The following FOXK1 variants were observed in gnomAD, a reference collection of about 807,000 sequenced individuals.
FOXK1 encodes forkhead box protein K1.
FOXK1 carries 19 observed loss-of-function variants against 51.9 expected under a neutral mutation model. The observed-to-expected ratio is 0.37, with a 90% CI of 0.26 to 0.54. FOXK1 has a LOEUF of 0.54. FOXK1 is among the 20% of genes least tolerant of loss of function. The pLI, the probability that FOXK1 is intolerant of heterozygous loss-of-function variation, is 0.87. For synonymous variants in FOXK1, 537 were observed against 482.6 expected (o/e 1.11, Z -1.48); for missense variants, 870 against 1,032.7 (o/e 0.84, Z 2.16).
rs1780545156 is a variant in FOXK1 at position 4,735,801 on chromosome 7, A to C, written c.561-5037A>C. 6.6e-6 allele frequency among the ~76,000 whole-genome samples: 1 copy of C among 152,270 alleles called. No homozygotes were observed. Among genetic ancestry groups the C allele is most frequent in the South Asian group, 2.1e-4 (1 of 4,820 alleles). On this transcript the variant is annotated intron_variant, in intron 1 of 8. Coordinates refer to ENST00000328914, the MANE Select transcript of FOXK1 (RefSeq NM_001037165.2). This position sits in a 1 kb window ranked among gnomAD's most constrained non-coding sequence, Gnocchi z 4.7. ...CCAGCTAGAGCCCTGCACCTCCATC[A>C]AGATATTACAGGGAGAGATGTAACT...
Position 4,707,081 on chromosome 7 carries a change from CG to C in FOXK1, c.560+24214del, listed in dbSNP as rs1780111470. On this transcript the variant is annotated intron_variant, in intron 1 of 8. Transcript: ENST00000328914. This position sits in a 1 kb window ranked among gnomAD's most constrained non-coding sequence, Gnocchi z 4.1. ...CTAACGGTTGCTTCCTGCCTTTGTC[CG>C]TAATGGCCACCTTCCAGTCTTAGAG... 1.3e-5 allele frequency among the ~76,000 whole-genome samples: 2 copies of C among 152,354 alleles called. No individual in the cohort carries two copies. The highest frequency in any genetic ancestry group is 1.3e-4 in the Admixed American group (2 of 15,306).
chr7:4,758,853 A>G lies in FOXK1; in HGVS notation c.1245-198A>G. ...CCTCTCATGGAACGGAGCCTCCCCCATGCAGCCCCCACTCAAATGGAGTTT... is the reference window on the plus strand; with the variant it reads ...CCTCTCATGGAACGGAGCCTCCCCCGTGCAGCCCCCACTCAAATGGAGTTT... On this transcript the variant is annotated intron_variant, in intron 5 of 8. Coordinates refer to ENST00000328914, the MANE Select transcript of FOXK1 (RefSeq NM_001037165.2). This position sits in a 1 kb window ranked among gnomAD's most constrained non-coding sequence, Gnocchi z 4.4. 1.7e-6 allele frequency: 1 copy of G among 603,346 alleles called. No individual in the cohort carries two copies. Among genetic ancestry groups the G allele is most frequent in the Non-Finnish European group, 2.9e-6 (1 of 346,742 alleles). 37.4% of individuals were successfully genotyped at this position (603,346 alleles called of 1,614,324 possible). A position where few individuals can be genotyped will look rare whatever the true frequency, so the allele number is the denominator to read the frequency against.
chr7:4,716,151 G>C (rs1487900079), intron 1 of FOXK1, among the ~76,000 whole-genome samples: 1 of 151,666 alleles, frequency 6.6e-6, no homozygotes, highest in East Asian at 1.9e-4. Flanking sequence ...AATCCAGAAG[G>C]CAGAGGCTAC....
chr7:4,708,207 G>T (rs1450474647), intron 1 of FOXK1, among the ~76,000 whole-genome samples: 1 of 152,186 alleles, frequency 6.6e-6, no homozygotes, highest in African/African-American at 2.4e-5. Context: ...TTTTGGTGCT[G>T]ATGCTGTGTG....
chr7:4,757,108 C>G lies in FOXK1; in HGVS notation c.1165C>G (p.Leu389Val), dbSNP rs762135782. The G allele has an allele frequency of 6.2e-7, 1 of 1,613,748 alleles. No homozygotes were observed. The highest frequency in any genetic ancestry group is 8.5e-7 in the Non-Finnish European group (1 of 1,179,972). The change falls in exon 5 of 9, where the codon CTC becomes GTC. Residue 389 changes from leucine (L) to valine (V), a missense_variant. Around this residue, in one of 3 missense-constraint regions of FOXK1, gnomAD observed 457 missense variants for 510.8 expected, o/e 0.89. Coordinates refer to ENST00000328914, the MANE Select transcript of FOXK1 (RefSeq NM_001037165.2). ...WRIDPASEAK[L>V]VEQAFRKRRQ... is the part of the protein sequence containing the mutation. ...AATAGACCCTGCCTCTGAAGCCAAG[C>G]TCGTGGAACAGGCATTCCGGAAACG...
Position 4,758,628 on chromosome 7 carries a change from T to G in FOXK1, c.1245-423T>G. ...AAGTGTTCGAACGTCATTTGCAGCA[T>G]TTAAACTGAGCTCCAAATGACGTTC... On this transcript the variant is annotated intron_variant, in intron 5 of 8. Transcript: ENST00000328914. The surrounding 1 kb of genome is among the most constrained non-coding windows in gnomAD (Gnocchi z 4.4). 1 of 180,638 alleles carries G rather than the reference T, an allele frequency of 5.5e-6. No homozygotes were observed. Among genetic ancestry groups the G allele is most frequent in the Non-Finnish European group, 1.1e-5 (1 of 87,066 alleles). The allele number at this position is 180,638 out of a possible 1,614,324, so 11.2% of individuals were successfully genotyped here.
At chr7:4,708,043 G>C (rs1780126966) in intron 1 of FOXK1, among the ~76,000 whole-genome samples, 1 of 152,000 alleles carries the variant, frequency 6.6e-6, no homozygotes, top group African/African-American at 2.4e-5. Context: ...CCTGGTGCTG[G>C]GGTACCGCCT....
At position 4,747,967 on chromosome 7, in the gene FOXK1, G is replaced by A. The variant is rs373224676; in HGVS notation, c.747-6492G>A. 1.2e-4 allele frequency among the ~76,000 whole-genome samples: 18 copies of A among 152,064 alleles called. No homozygotes were observed. Among genetic ancestry groups the A allele is most frequent in the African/African-American group, 2.2e-4 (9 of 41,374 alleles). On this transcript the variant is annotated intron_variant, in intron 2 of 8. Transcript: ENST00000328914. This position sits in a 1 kb window ranked among gnomAD's most constrained non-coding sequence, Gnocchi z 9.2. Reference sequence around the variant, plus strand: ...CTCAAGCGATCCTCCCACCTCAGCCGTGACTACAGGAGCAATCCACTAGTT... The same window carrying A: ...CTCAAGCGATCCTCCCACCTCAGCCATGACTACAGGAGCAATCCACTAGTT...
chr7:4,689,186 C>T (rs552811027), intron 1 of FOXK1, among the ~76,000 whole-genome samples: 1 of 152,202 alleles, frequency 6.6e-6, no homozygotes, highest in East Asian at 1.9e-4. Context: ...CCGTGTTGCC[C>T]AGGCCAGTCT....
chr7:4,702,923 A>G (rs1201857374), intron 1 of FOXK1, among the ~76,000 whole-genome samples: 2 of 151,890 alleles, frequency 1.3e-5, no homozygotes, highest in Non-Finnish European at 2.9e-5. Context: ...TGCCCGCCCT[A>G]CCCAGCTCGG....
At chr7:4,726,801 G>A (rs1392547239) in intron 1 of FOXK1, among the ~76,000 whole-genome samples, 4 of 152,284 alleles carry the variant, frequency 2.6e-5, no homozygotes, top group East Asian at 1.9e-4. Context: ...CAACACAGGC[G>A]CTTTCCCTCA....
In FOXK1 at chr7:4,722,661, G is replaced by A. The variant is rs1029457200; in HGVS notation, c.561-18177G>A. ...CTGTCTCTAGTGTTTTCTGAGAAACGGGATTTTCCTTGGGTGAAACGAGGA... is the reference window on the plus strand; with the variant it reads ...CTGTCTCTAGTGTTTTCTGAGAAACAGGATTTTCCTTGGGTGAAACGAGGA... On this transcript the variant is annotated intron_variant, in intron 1 of 8. Transcript: ENST00000328914. The surrounding 1 kb of genome is among the most constrained non-coding windows in gnomAD (Gnocchi z 5.1). Among the ~76,000 whole-genome samples the A allele has an allele frequency of 2.0e-5, 3 of 152,216 alleles. No individual in the cohort carries two copies. The highest frequency in any genetic ancestry group is 2.9e-5 in the Non-Finnish European group (2 of 68,044).
intron 1 of FOXK1, among the ~76,000 whole-genome samples, chr7:4,691,620 G>T (rs1354437427): frequency 6.6e-6 from 1 of 152,184 alleles, no homozygotes; most frequent in East Asian, 1.9e-4. Flanking sequence ...TCAGGCATGA[G>T]CCACCACGCC....
intron 1 of FOXK1, among the ~76,000 whole-genome samples, chr7:4,737,428 G>A (rs1780566820): frequency 6.8e-6 from 1 of 146,066 alleles, no homozygotes; most frequent in South Asian, 2.2e-4. Flanking sequence ...ACGGGTAGGT[G>A]TGTGTGCATG....
intron 2 of FOXK1, among the ~76,000 whole-genome samples, chr7:4,742,001 T>C (rs941233674): frequency 9.9e-5 from 15 of 152,254 alleles, no homozygotes; most frequent in Admixed American, 9.8e-4. Flanking sequence ...ACCTCTTCAT[T>C]GCGGACATTT....
At chr7:4,699,285 G>GTTT (rs1180572340) in intron 1 of FOXK1, among the ~76,000 whole-genome samples, 3 of 130,386 alleles carry the variant, frequency 2.3e-5, no homozygotes, top group South Asian at 2.7e-4. Context: ...CACAGGGTTA[G>GTTT]TTTTTTTTTT....
Position 4,738,540 on chromosome 7 carries a change from A to C in FOXK1, c.561-2298A>C, listed in dbSNP as rs531296134. Among the ~76,000 whole-genome samples, 12 of 152,312 alleles carry C rather than the reference A, an allele frequency of 7.9e-5. No homozygotes were observed. In the South Asian group the frequency reaches 2.5e-3, roughly 32 times the overall value. On this transcript the variant is annotated intron_variant, in intron 1 of 8. Coordinates refer to ENST00000328914, the MANE Select transcript of FOXK1 (RefSeq NM_001037165.2). ...CTGGACTGAAGAAAGTGTAAAGGACATCAGACGTTCCTCTCAATGTGACTT... is the reference window on the plus strand; with the variant it reads ...CTGGACTGAAGAAAGTGTAAAGGACCTCAGACGTTCCTCTCAATGTGACTT...
chr7:4,728,160 G>A (rs952560388), intron 1 of FOXK1, among the ~76,000 whole-genome samples: 2 of 152,148 alleles, frequency 1.3e-5, no homozygotes, highest in Non-Finnish European at 2.9e-5. Context: ...GCAGCCCCCC[G>A]CCTCCAGTGG....
rs1780170045 is a variant in FOXK1, at chr7:4,711,230, C to G, written c.560+28362C>G. On this transcript the variant is annotated intron_variant, in intron 1 of 8. Transcript: ENST00000328914. The surrounding 1 kb of genome is among the most constrained non-coding windows in gnomAD (Gnocchi z 6.3). ...GGAAGCGTTGTGCTGGTGTGCCCTC[C>G]TGGGTCCCGACACCTGGGGGTGTTT... 6.6e-6 allele frequency among the ~76,000 whole-genome samples: 1 copy of G among 152,126 alleles called. No individual in the cohort carries two copies. The highest frequency in any genetic ancestry group is 2.4e-5 in the African/African-American group (1 of 41,430).
Sources: allele counts gnomAD v4.1 joint callset (sites outside exome capture counted in the v4.1 genomes callset), GRCh38; gene constraint gnomAD v4.1.1; regional missense constraint gnomAD v4.1.1; non-coding constraint Gnocchi (gnomAD v3.1); transcripts MANE v1.5; gene names NCBI Gene and HGNC (gene_info 2026-07-23, HGNC 2026-07-21).